Variants in CRYBG2 observed in about 807,000 individuals in gnomAD.
CRYBG2 encodes beta/gamma crystallin domain-containing protein 2.
In CRYBG2, 106 loss-of-function variants were observed where a neutral mutation model predicts 153.4. The observed-to-expected ratio is 0.69, with a 90% CI of 0.59 to 0.81. The LOEUF is 0.81. CRYBG2 is among the 30% of genes least tolerant of loss of function. The probability of loss-of-function intolerance (pLI) is 0.00; values close to 1 mark genes in which losing one functional copy is unlikely to be tolerated. For missense variants in CRYBG2, 1,996 were observed against 2,112.0 expected, an observed-to-expected ratio of 0.95 and a Z score of 1.08; for synonymous variants, 851 against 877.8, an observed-to-expected ratio of 0.97 and a Z score of 0.54.
chr1:26,344,088 G>T lies in CRYBG2; in HGVS notation c.2570C>A (p.Ser857Tyr). ...GGGTCTGGCAGGGTGGAGGTCCCTG[G>T]AGGGGCTGGGCCCAGCTTTCTCCTG... ...RRQEKAGPSP[S>Y]RDLHPARPTQ... Residue 857 changes from serine to tyrosine, a missense_variant, in exon 2 of 20, where the codon TCC (serine) becomes TAC (tyrosine). Ser to Tyr is a moderately radical substitution (Grantham distance 144). Transcript: ENST00000308182. The T allele has an allele frequency of 6.5e-7, 1 of 1,536,152 alleles. No homozygotes were observed. The highest frequency in any genetic ancestry group is 8.7e-7 in the Non-Finnish European group (1 of 1,146,900).
At position 26,346,968 on chromosome 1, in the gene CRYBG2, G is replaced by T. The variant is rs968859846; in HGVS notation, c.-55-256C>A. 1.3e-5 allele frequency among the ~76,000 whole-genome samples: 2 copies of T among 152,168 alleles called. No homozygotes were observed. Among genetic ancestry groups the T allele is most frequent in the Non-Finnish European group, 2.9e-5 (2 of 68,034 alleles). On this transcript the variant is annotated intron_variant, in intron 1 of 19. Transcript: ENST00000308182. The surrounding 1 kb of genome is among the most constrained non-coding windows in gnomAD (Gnocchi z 4.9). ...AGGGTCCTTCAAAGGTGAAGCTGAG[G>T]CCTGAGCCCAGAAGGAGAGAAAAGG...
intron 17 of CRYBG2, among the ~76,000 whole-genome samples, chr1:26,326,427 A>G (rs1308562128): frequency 6.6e-6 from 1 of 151,608 alleles, no homozygotes. Context: ...AGTCCCAGCT[A>G]CTCAGGAGGC....
chr1:26,332,327 A>C (rs1022075604), intron 14 of CRYBG2, among the ~76,000 whole-genome samples: 7 of 151,572 alleles, frequency 4.6e-5, no homozygotes, highest in African/African-American at 1.7e-4. Context: ...AAAAAAAAGA[A>C]AGAAAAAGTG....
rs1399525848 is a variant in CRYBG2 at position 26,325,566 on chromosome 1, AAATT to A, written c.4579-1260_4579-1257del. ...CAGAGTAGGACTCCATCTCAAAAAT[AAATT>A]AATTAATAAAAATTAAAAAAATGAA... On this transcript the variant is annotated intron_variant, in intron 17 of 19. Transcript: ENST00000308182. This position sits in a 1 kb window ranked among gnomAD's most constrained non-coding sequence, Gnocchi z 4.1. 2.0e-5 allele frequency among the ~76,000 whole-genome samples: 3 copies of A among 151,752 alleles called. No individual in the cohort carries two copies. The highest frequency in any genetic ancestry group is 7.3e-5 in the African/African-American group (3 of 41,286).
chr1:26,332,320 A>AG (rs1414058702), intron 14 of CRYBG2, among the ~76,000 whole-genome samples: 4 of 151,646 alleles, frequency 2.6e-5, no homozygotes, highest in Non-Finnish European at 5.9e-5. Context: ...AAAAAAAAAA[A>AG]AAAAGAAAGA....
Position 26,336,580 on chromosome 1 carries a change from C to T in CRYBG2, c.4038+26G>A. Reference sequence around the variant, plus strand: ...ACTCCAGGTCCCGCCACCGGGGAGGCCCCGCCCCCCGCGGCCGGCACGCAC... The same window carrying T: ...ACTCCAGGTCCCGCCACCGGGGAGGTCCCGCCCCCCGCGGCCGGCACGCAC... On this transcript the variant is annotated intron_variant, in intron 12 of 19. Transcript: ENST00000308182. This position sits in a 1 kb window ranked among gnomAD's most constrained non-coding sequence, Gnocchi z 4.9. 6.5e-7 allele frequency: 1 copy of T among 1,544,496 alleles called. No homozygotes were observed. The highest frequency in any genetic ancestry group is 1.2e-5 in the South Asian group (1 of 83,636).
chr1:26,326,042 T>G (rs553088963), intron 17 of CRYBG2, among the ~76,000 whole-genome samples: 1 of 152,078 alleles, frequency 6.6e-6, no homozygotes, highest in Non-Finnish European at 1.5e-5. Flanking sequence ...GCACAAGCCA[T>G]CACACCTAGC....
Position 26,345,403 on chromosome 1 carries a change from G to T in CRYBG2, c.1255C>A (p.Pro419Thr). The change falls in exon 2 of 20, where the codon CCT (proline) becomes ACT (threonine). Residue 419 changes from proline to threonine, a missense_variant. Physicochemically the swap from Pro to Thr is conservative, Grantham distance 38. Coordinates refer to ENST00000308182, the MANE Select transcript of CRYBG2 (RefSeq NM_001039775.4). ...RSEHVTVPGQPPAPSTTRRKD... is the reference protein window; with the variant it reads ...RSEHVTVPGQTPAPSTTRRKD... ...CTTCTTGTAGTGGATGGAGCAGGAG[G>T]TTGTCCAGGGACTGTCACATGCTCG... is the stretch of plus-strand genomic sequence containing the variant. The T allele has an allele frequency of 6.2e-7, 1 of 1,612,442 alleles. No homozygotes were observed. The highest frequency in any genetic ancestry group is 8.5e-7 in the Non-Finnish European group (1 of 1,179,428).
At chr1:26,337,479 C>T (rs2074076235) in intron 9 of CRYBG2, 59 bp downstream of exon 9, 3 of 1,603,522 alleles carry the variant, frequency 1.9e-6, no homozygotes, top group Non-Finnish European at 2.6e-6. Context: ...GGTCACTCCC[C>T]ACTCCCAAGG....
chr1:26,342,341 G>A (rs1454939789), intron 5 of CRYBG2, among the ~76,000 whole-genome samples: 2 of 152,080 alleles, frequency 1.3e-5, no homozygotes, highest in Non-Finnish European at 2.9e-5. Context: ...CAGCTCCACG[G>A]TCAAGAATCT....
chr1:26,332,521 GT>G (rs1467127947), intron 14 of CRYBG2, among the ~76,000 whole-genome samples: 4 of 151,760 alleles, frequency 2.6e-5, no homozygotes, highest in African/African-American at 9.7e-5. Context: ...TGTTGTTGTT[GT>G]TGAGATGGAG....
At chr1:26,351,834 C>G (rs1234467618) in intron 1 of CRYBG2, among the ~76,000 whole-genome samples, 3 of 152,156 alleles carry the variant, frequency 2.0e-5, no homozygotes, top group Non-Finnish European at 4.4e-5. Context: ...TCAGACTCTG[C>G]TGGAATGTGC....
rs1211513254 is a variant in CRYBG2, at chr1:26,343,254, G to A, written c.2953C>T (p.Pro985Ser). Residue 985 changes from proline (P) to serine (S), a missense_variant, in exon 3 of 20, where the codon CCT (proline) becomes TCT (serine). Coordinates refer to ENST00000308182, the MANE Select transcript of CRYBG2 (RefSeq NM_001039775.4). This position sits in a 1 kb window ranked among gnomAD's most constrained non-coding sequence, Gnocchi z 4.1. ...LKTQGKLNTRPGKVIFFSESG... is the reference protein window; with the variant it reads ...LKTQGKLNTRSGKVIFFSESG... ...TGCCCCCACAACCCTACCTTTCCAG[G>A]CCTGGTGTTCAGCTTGCCCTGGGTC... 4 of 1,550,140 alleles carry A rather than the reference G, an allele frequency of 2.6e-6. No individual in the cohort carries two copies. In the African/African-American group the frequency reaches 5.5e-5, roughly 21 times the overall value.
chr1:26,335,333 G>A (rs1299484813), intron 14 of CRYBG2, among the ~76,000 whole-genome samples: 3 of 151,936 alleles, frequency 2.0e-5, no homozygotes, highest in Admixed American at 6.6e-5. Flanking sequence ...AAAATTAGCC[G>A]GGCTTGGTGG....
Position 26,346,678 on chromosome 1 carries a change from C to G in CRYBG2, c.-21G>C. The G allele has an allele frequency of 6.6e-7, 1 of 1,507,268 alleles. No homozygotes were observed. Among genetic ancestry groups the G allele is most frequent in the Middle Eastern group, 1.7e-4 (1 of 5,748 alleles). 93.4% of individuals were successfully genotyped at this position (1,507,268 alleles called of 1,614,324 possible). On this transcript the variant is annotated 5_prime_UTR_variant, in exon 2 of 20. Coordinates refer to ENST00000308182, the MANE Select transcript of CRYBG2 (RefSeq NM_001039775.4). This position sits in a 1 kb window ranked among gnomAD's most constrained non-coding sequence, Gnocchi z 4.9. ...TCCATGTGGGGCCCTGGCAACCTGT[C>G]TGGAGGTGTCCTTGTCCCACTGTGG...
chr1:26,339,708 C>T (rs1332962882), intron 5 of CRYBG2, among the ~76,000 whole-genome samples: 1 of 151,798 alleles, frequency 6.6e-6, no homozygotes, highest in Non-Finnish European at 1.5e-5. Flanking sequence ...TGCACTCAAG[C>T]CTGGGCAATA....
intron 10 of CRYBG2, 25 bp from the exon 11 acceptor site, chr1:26,337,005 C>A: frequency 6.2e-7 from 1 of 1,612,024 alleles, no homozygotes; most frequent in South Asian, 1.1e-5. Flanking sequence ...ACAGTCAGGT[C>A]TCTCCCGCCC....
intron 8 of CRYBG2, 112 bp downstream of exon 8, chr1:26,337,900 G>C (rs2074081883): frequency 7.0e-7 from 1 of 1,420,888 alleles, no homozygotes; most frequent in African/African-American, 1.4e-5. Flanking sequence ...CCCAGACCGT[G>C]CTTCTGGCCC....
intron 14 of CRYBG2, among the ~76,000 whole-genome samples, chr1:26,335,812 C>T (rs1032754013): frequency 5.3e-5 from 8 of 152,002 alleles, no homozygotes; most frequent in South Asian, 4.1e-4. Context: ...TAGAGACACA[C>T]GTTGAAGTGT....
Sources: allele counts gnomAD v4.1 joint callset (sites outside exome capture counted in the v4.1 genomes callset), GRCh38; gene constraint gnomAD v4.1.1; non-coding constraint Gnocchi (gnomAD v3.1); transcripts MANE v1.5; gene names NCBI Gene and HGNC (gene_info 2026-07-23, HGNC 2026-07-21).